ACTR3C: variants seen among roughly 807,000 people sequenced by gnomAD.
ACTR3C encodes the protein actin related protein 3C.
Under a neutral mutation model 26.3 loss-of-function variants are expected in ACTR3C, and 18 were observed. That is an observed-to-expected ratio of 0.68 (90% CI 0.47 to 1.01). The LOEUF is 1.01. ACTR3C is among the 50% of genes least tolerant of loss of function. ACTR3C has a pLI of 0.00. For missense variants in ACTR3C, 184 were observed against 250.7 expected, an observed-to-expected ratio of 0.73 and a Z score of 1.80; for synonymous variants, 55 against 94.5, an observed-to-expected ratio of 0.58 and a Z score of 2.42.
intron 1 of ACTR3C, among the ~76,000 whole-genome samples, chr7:150,313,537 G>T (rs982991656): frequency 9.9e-5 from 15 of 152,184 alleles, no homozygotes; most frequent in Admixed American, 8.5e-4. Context: ...CAGACTTAAG[G>T]TCTGTGTGGA....
At chr7:149,930,865 T>A in the ACTR3C span, among the ~76,000 whole-genome samples, 1 of 151,854 alleles carries the variant, frequency 6.6e-6, no homozygotes, top group Non-Finnish European at 1.5e-5. Flanking sequence ...CACTGCAACC[T>A]CTGCCTTTTT....
intron 1 of ACTR3C, among the ~76,000 whole-genome samples, chr7:150,311,025 C>T (rs1292869861): frequency 1.3e-5 from 2 of 152,182 alleles, no homozygotes; most frequent in African/African-American, 4.8e-5. Context: ...GACCACCAAA[C>T]AACAACTCCT....
chr7:150,034,893 CG>C, the ACTR3C span, among the ~76,000 whole-genome samples: 44 of 98,298 alleles, frequency 4.5e-4, no homozygotes, highest in Middle Eastern at 6.0e-3. Context: ...CCCTACCTCG[CG>C]GGGGGTGCCT....
At chr7:150,190,214 A>C in the ACTR3C span, among the ~76,000 whole-genome samples, 1 of 152,200 alleles carries the variant, frequency 6.6e-6, no homozygotes, top group African/African-American at 2.4e-5. Flanking sequence ...ATCTGTAGTT[A>C]AGTTTCTGTT....
chr7:149,994,467 T>C, the ACTR3C span, among the ~76,000 whole-genome samples: 1 of 151,744 alleles, frequency 6.6e-6, no homozygotes. Flanking sequence ...AGTATTGGTG[T>C]GTGCCTGTAA....
the ACTR3C span, among the ~76,000 whole-genome samples, chr7:150,032,169 G>A: frequency 1.3e-5 from 2 of 152,230 alleles, no homozygotes; most frequent in African/African-American, 4.8e-5. Context: ...TGAGGATGGT[G>A]TGTCATGATA....
At chr7:150,168,239 C>T in the ACTR3C span, among the ~76,000 whole-genome samples, 2 of 150,692 alleles carry the variant, frequency 1.3e-5, no homozygotes, top group East Asian at 3.9e-4. Flanking sequence ...ATAGCCACTC[C>T]CCATTGCTCA....
the ACTR3C span, among the ~76,000 whole-genome samples, chr7:150,006,289 T>G: frequency 1.3e-5 from 2 of 151,784 alleles, no homozygotes; most frequent in South Asian, 4.2e-4. Flanking sequence ...CTCCACCTCC[T>G]GGGTTCACAG....
At chr7:150,161,903 G>A in the ACTR3C span, among the ~76,000 whole-genome samples, 1 of 151,770 alleles carries the variant, frequency 6.6e-6, no homozygotes, top group Non-Finnish European at 1.5e-5. Context: ...TCTCTGCGGG[G>A]CCCTTGGACT....
At chr7:150,057,276 C>CTTT in the ACTR3C span, among the ~76,000 whole-genome samples, 189 of 113,872 alleles carry the variant, frequency 1.7e-3, no homozygotes, top group African/African-American at 6.2e-3. Context: ...GGAATAGGTC[C>CTTT]TTTTTTTTTT....
the ACTR3C span, among the ~76,000 whole-genome samples, chr7:150,128,494 A>G: frequency 5.7e-4 from 86 of 150,754 alleles, no homozygotes; most frequent in African/African-American, 1.5e-3. Flanking sequence ...GTGAGGCAAA[A>G]CAGCATCAGT....
At chr7:149,974,820 CAT>C in the ACTR3C span, among the ~76,000 whole-genome samples, 47 of 151,616 alleles carry the variant, frequency 3.1e-4, no homozygotes, top group African/African-American at 1.1e-3. Flanking sequence ...AGAATAGTCT[CAT>C]GTGTTTATTT....
chr7:150,321,551 C>G (rs1244318069), intron 1 of ACTR3C, among the ~76,000 whole-genome samples: 1 of 152,118 alleles, frequency 6.6e-6, no homozygotes, highest in African/African-American at 2.4e-5. Context: ...ACCACCCTGG[C>G]CAATATGGCG....
chr7:150,280,693 T>C (rs1835242948), intron 6 of ACTR3C, among the ~76,000 whole-genome samples: 1 of 152,138 alleles, frequency 6.6e-6, no homozygotes, highest in Non-Finnish European at 1.5e-5. Context: ...TGTGAGGTGA[T>C]GGATGTCTTC....
At chr7:150,006,322 G>A in the ACTR3C span, among the ~76,000 whole-genome samples, 4 of 150,888 alleles carry the variant, frequency 2.7e-5, no homozygotes, top group African/African-American at 9.8e-5. Flanking sequence ...TCAGCCTCCC[G>A]AGTAGCTGGG....
At chr7:149,983,478 T>A in the ACTR3C span, among the ~76,000 whole-genome samples, 1 of 135,996 alleles carries the variant, frequency 7.4e-6, no homozygotes, top group Admixed American at 7.6e-5. Flanking sequence ...GGAAAACAAA[T>A]GTTGACAAGG....
chr7:150,112,172 G>C, the ACTR3C span, among the ~76,000 whole-genome samples: 1 of 151,020 alleles, frequency 6.6e-6, no homozygotes, highest in East Asian at 2.0e-4. Context: ...CCCTTTCTCC[G>C]GGCCCCGCTC....
the ACTR3C span, among the ~76,000 whole-genome samples, chr7:150,175,394 C>T: frequency 0.079 from 10,353 of 130,912 alleles, 986 homozygotes; most frequent in African/African-American, 0.21. Flanking sequence ...ACAGAAATAG[C>T]CTTGTCTCCC....
chr7:149,976,728 TGTCA>T, the ACTR3C span, among the ~76,000 whole-genome samples: 3 of 151,866 alleles, frequency 2.0e-5, no homozygotes, highest in Admixed American at 6.5e-5. Flanking sequence ...ACAGGTAATG[TGTCA>T]GTCAGAGTTC....
Sources: gnomAD v4.1 joint callset for allele counts (sites outside exome capture counted in the v4.1 genomes callset) on GRCh38, gnomAD v4.1.1 for gene constraint, MANE v1.5 for transcripts, NCBI Gene and HGNC (gene_info 2026-07-23, HGNC 2026-07-21) for gene names.